ABCA10: variants seen among roughly 807,000 people sequenced by gnomAD.
ABCA10 encodes ATP binding cassette subfamily A member 10, also known as ATP-binding cassette sub-family A member 10.
ABCA10 carries 169 observed loss-of-function variants against 187.5 expected under a neutral mutation model. That is an observed-to-expected ratio of 0.90 (90% CI 0.80 to 1.02). The LOEUF (loss-of-function observed/expected upper bound fraction) is 1.02, where lower values mean the gene tolerates loss of function less well. Among genes scored for constraint, ABCA10 ranks in the 50% least tolerant of loss-of-function variants. ABCA10 has a pLI of 0.00. For synonymous variants in ABCA10, 574 were observed against 601.8 expected (o/e 0.95, Z 0.68); for missense variants, 1,727 against 1,812.4 (o/e 0.95, Z 0.86).
At chr17:69,214,045 A>G (rs1466081299) in intron 9 of ABCA10, among the ~76,000 whole-genome samples, 1 of 152,212 alleles carries the variant, frequency 6.6e-6, no homozygotes, top group Non-Finnish European at 1.5e-5. Flanking sequence ...TTAATGAACT[A>G]TTTTACATAA....
rs536977664 is a variant in ABCA10 at position 69,216,778 on chromosome 17, C to T, written c.531-420G>A. Reference sequence around the variant, plus strand: ...AATCTCCCCTTTAAACTTCCTTATACTAAAGCTTTCTAAGGTATACCATTC... The same window carrying T: ...AATCTCCCCTTTAAACTTCCTTATATTAAAGCTTTCTAAGGTATACCATTC... On this transcript the variant is annotated intron_variant, in intron 6 of 38. Coordinates refer to ENST00000690296, the MANE Select transcript of ABCA10 (RefSeq NM_001377321.1). Among the ~76,000 whole-genome samples, 24 of 152,214 alleles carry T rather than the reference C, an allele frequency of 1.6e-4. 1 individual carries two copies. The South Asian group carries it at 5.0e-3, about 32-fold the overall frequency.
Position 69,164,157 on chromosome 17 carries a change from G to A in ABCA10, c.3283-3C>T. 1 of 1,563,982 alleles carries A rather than the reference G, an allele frequency of 6.4e-7. No individual in the cohort carries two copies. The highest frequency in any genetic ancestry group is 8.6e-7 in the Non-Finnish European group (1 of 1,163,258). On this transcript the variant is annotated splice_region_variant and splice_polypyrimidine_tract_variant and intron_variant, in intron 26 of 38. Transcript: ENST00000690296. ...TCCAAGTTTCTCATAAAGTCGAGCTGAAAAAAAACCCACCAACAGTTAAAT... is the reference window on the plus strand; with the variant it reads ...TCCAAGTTTCTCATAAAGTCGAGCTAAAAAAAAACCCACCAACAGTTAAAT...
At chr17:69,204,907 T>C (rs966306049) in intron 9 of ABCA10, among the ~76,000 whole-genome samples, 17 of 152,350 alleles carry the variant, frequency 1.1e-4, no homozygotes, top group African/African-American at 3.4e-4. Flanking sequence ...GACAGCTAAA[T>C]GGCTTGAGGC....
chr17:69,195,895 C>A (rs147222331), intron 11 of ABCA10, among the ~76,000 whole-genome samples: 25,323 of 151,822 alleles, frequency 0.17, 3,884 homozygotes, highest in African/African-American at 0.4. Flanking sequence ...ATAGATTAAC[C>A]GCATCCCAAG....
upstream of ABCA10, among the ~76,000 whole-genome samples, chr17:69,231,780 T>A (rs1050151261): frequency 1.3e-5 from 2 of 152,188 alleles, no homozygotes; most frequent in Non-Finnish European, 2.9e-5. Flanking sequence ...GTCTGTTATA[T>A]CCATCTGGTC....
Position 69,228,790 on chromosome 17 carries a change from C to T in ABCA10, c.-522G>A, listed in dbSNP as rs2074812660. The T allele has an allele frequency of 6.6e-6, 1 of 151,948 alleles. No individual in the cohort carries two copies. Among genetic ancestry groups the T allele is most frequent in the African/African-American group, 2.4e-5 (1 of 41,402 alleles). 9.4% of individuals were successfully genotyped at this position (151,948 alleles called of 1,614,324 possible). A position where few individuals can be genotyped will look rare whatever the true frequency, so the allele number is the denominator to read the frequency against. On this transcript the variant is annotated 5_prime_UTR_variant, in exon 1 of 39. Transcript: ENST00000690296. ...TTGGTTTTTTCCCTATGTTTTTCTC[C>T]TTGTCCAGTTACTCTTCAGAGAGTG...
chr17:69,178,130 T>A (rs1460710013), intron 22 of ABCA10, among the ~76,000 whole-genome samples: 1 of 151,128 alleles, frequency 6.6e-6, no homozygotes, highest in East Asian at 1.9e-4. Flanking sequence ...GGAAGCAATA[T>A]CAGGCAAGAA....
chr17:69,226,598 T>C (rs1202001921), intron 2 of ABCA10, among the ~76,000 whole-genome samples: 1 of 152,014 alleles, frequency 6.6e-6, no homozygotes, highest in Non-Finnish European at 1.5e-5. Flanking sequence ...TGACAATCTG[T>C]GATCTTATTC....
chr17:69,167,934 C>T (rs1204084335), intron 25 of ABCA10, among the ~76,000 whole-genome samples: 3 of 150,828 alleles, frequency 2.0e-5, no homozygotes, highest in African/African-American at 7.5e-5. Context: ...CCTCCCCTTC[C>T]ACCTCTTCCA....
At chr17:69,210,478 C>T (rs749219198) in intron 9 of ABCA10, among the ~76,000 whole-genome samples, 1 of 151,632 alleles carries the variant, frequency 6.6e-6, no homozygotes, top group Non-Finnish European at 1.5e-5. Flanking sequence ...CGTGAGCCAC[C>T]GCGCCCGGCC....
At chr17:69,168,411 T>C (rs911639564) in intron 25 of ABCA10, among the ~76,000 whole-genome samples, 5 of 152,148 alleles carry the variant, frequency 3.3e-5, no homozygotes, top group African/African-American at 1.2e-4. Context: ...GCTTTGTTCA[T>C]GGTTATATCC....
At chr17:69,192,762 A>G in intron 15 of ABCA10, 109 bp from the exon 16 acceptor site, 1 of 937,568 alleles carries the variant, frequency 1.1e-6, no homozygotes. Context: ...TATCAATACA[A>G]CTGTAATATC....
At position 69,216,281 on chromosome 17, in the gene ABCA10, G is replaced by A. The variant is rs912698920; in HGVS notation, c.608C>T (p.Pro203Leu). Reference sequence around the variant, plus strand: ...CATGAAGCCAGTATGAAATACAATTGGGATTGATGTTATGACCAGAGCCAT... The same window carrying A: ...CATGAAGCCAGTATGAAATACAATTAGGATTGATGTTATGACCAGAGCCAT... ...IFMALVITSI[P>L]IVFHTGFMVI... Residue 203 changes from proline to leucine, a missense_variant, in exon 7 of 39, where the codon CCA becomes CTA. Pro to Leu is a moderately conservative substitution (Grantham distance 98). Coordinates refer to ENST00000690296, the MANE Select transcript of ABCA10 (RefSeq NM_001377321.1). 31 of 1,613,486 alleles carry A rather than the reference G, an allele frequency of 1.9e-5. No individual in the cohort carries two copies. Among genetic ancestry groups the A allele is most frequent in the Non-Finnish European group, 2.6e-5 (31 of 1,179,610 alleles).
chr17:69,174,930 G>A (rs1195631612), intron 23 of ABCA10, among the ~76,000 whole-genome samples, 153 bp from the exon 24 acceptor site: 1 of 152,128 alleles, frequency 6.6e-6, no homozygotes, highest in South Asian at 2.1e-4. Context: ...ATCTCCAATG[G>A]AAATGTGTAG....
chr17:69,192,559 A>G lies in ABCA10; in HGVS notation c.1871+4T>C. On this transcript the variant is annotated splice_donor_region_variant and intron_variant, in intron 16 of 38. Coordinates refer to ENST00000690296, the MANE Select transcript of ABCA10 (RefSeq NM_001377321.1). ...TTAAAAATAACTACACCTAGAATAC[A>G]TACCTTAAATGATATCCAATACCCC... The G allele has an allele frequency of 2.5e-6, 4 of 1,604,472 alleles. No individual in the cohort carries two copies. The African/African-American group carries it at 4.0e-5, about 16-fold the overall frequency.
Position 69,197,064 on chromosome 17 carries a change from C to T in ABCA10, c.1234G>A (p.Gly412Ser), listed in dbSNP as rs760811449. ...GKTGKVEALQ[G>S]IFFDIYEGQI... ...AGGGAGAGGGAGTTTTTCTTTTTACCTTGCAATGCTTCTACTTTTCCAGTC... is the reference window on the plus strand; with the variant it reads ...AGGGAGAGGGAGTTTTTCTTTTTACTTTGCAATGCTTCTACTTTTCCAGTC... Residue 412 changes from glycine to serine, a missense_variant and splice_region_variant, in exon 11 of 39, where the codon GGC becomes AGC. Coordinates refer to ENST00000690296, the MANE Select transcript of ABCA10 (RefSeq NM_001377321.1). 4.4e-5 allele frequency: 69 copies of T among 1,574,336 alleles called. No homozygotes were observed. Among genetic ancestry groups the T allele is most frequent in the Non-Finnish European group, 5.7e-5 (66 of 1,154,844 alleles).
intron 15 of ABCA10, 136 bp downstream of exon 15, chr17:69,192,974 G>GTTGTA: frequency 1.6e-6 from 2 of 1,243,462 alleles, no homozygotes; most frequent in Non-Finnish European, 2.2e-6. Flanking sequence ...TGTAGCCAAT[G>GTTGTA]GCATGTGGAG....
chr17:69,222,027 G>T, intron 4 of ABCA10, 132 bp from the exon 5 acceptor site: 3 of 664,756 alleles, frequency 4.5e-6, no homozygotes, highest in Admixed American at 6.6e-5. Context: ...TGATATAGAG[G>T]ATTTTTAAAG....
At chr17:69,235,602 C>G (rs1449418778) in intron 1 of ABCA10, among the ~76,000 whole-genome samples, 1 of 152,048 alleles carries the variant, frequency 6.6e-6, no homozygotes, top group African/African-American at 2.4e-5. Context: ...TTACCCCACC[C>G]CTTTCTGGGA....
Sources: allele counts gnomAD v4.1 joint callset (sites outside exome capture counted in the v4.1 genomes callset), GRCh38; gene constraint gnomAD v4.1.1; transcripts MANE v1.5; gene names NCBI Gene and HGNC (gene_info 2026-07-23, HGNC 2026-07-21).